OTOGL: variants seen among roughly 807,000 people sequenced by gnomAD.
OTOGL encodes the protein otogelin like.
In OTOGL, 285 loss-of-function variants were observed where a neutral mutation model predicts 318.5. The ratio of observed to expected loss-of-function variants is 0.89; its 90% CI spans 0.81 to 0.99. The LOEUF (loss-of-function observed/expected upper bound fraction) is 0.99, where lower values mean the gene tolerates loss of function less well. Ranked by LOEUF, OTOGL falls within the 50% of genes least tolerant of loss-of-function variation. The pLI is 0.00. For missense variants in OTOGL, 2,899 were observed against 2,845.6 expected, an observed-to-expected ratio of 1.02 and a Z score of -0.43; for synonymous variants, 987 against 936.5, an observed-to-expected ratio of 1.05 and a Z score of -0.99.
chr12:80,370,278 T>G (rs1162089760), intron 55 of OTOGL, among the ~76,000 whole-genome samples: 1 of 152,042 alleles, frequency 6.6e-6, no homozygotes, highest in Non-Finnish European at 1.5e-5. Flanking sequence ...GCTTCTTCAC[T>G]CTCTATTGTT....
chr12:80,244,705 T>C (rs988966930), intron 11 of OTOGL, among the ~76,000 whole-genome samples: 3 of 148,728 alleles, frequency 2.0e-5, no homozygotes, highest in African/African-American at 7.8e-5. Flanking sequence ...CTGGGTCCAA[T>C]GGTATTTCTA....
At chr12:80,112,544 G>A (rs1248348295) in intron 1 of OTOGL, among the ~76,000 whole-genome samples, 6 of 152,090 alleles carry the variant, frequency 3.9e-5, no homozygotes, top group East Asian at 1.9e-4. Context: ...GATGGATTAC[G>A]TTTATTGATT....
At chr12:80,231,133 T>C (rs971200181) in intron 8 of OTOGL, among the ~76,000 whole-genome samples, 2 of 152,198 alleles carry the variant, frequency 1.3e-5, no homozygotes, top group African/African-American at 4.8e-5. Context: ...TAAGATTAGC[T>C]TTCCATTACT....
At chr12:80,240,445 T>C (rs567227241) in intron 11 of OTOGL, among the ~76,000 whole-genome samples, 101 of 152,226 alleles carry the variant, frequency 6.6e-4, no homozygotes, top group African/African-American at 2.3e-3. Flanking sequence ...CTAATTCTAA[T>C]AAAGTAGTTA....
intron 43 of OTOGL, among the ~76,000 whole-genome samples, chr12:80,340,139 TATTA>T (rs950431894): frequency 7.9e-5 from 12 of 152,316 alleles, no homozygotes; most frequent in African/African-American, 2.6e-4. Context: ...TCTCAGTAAA[TATTA>T]ATTAAATAAA....
chr12:80,161,712 G>T (rs1486154890), intron 1 of OTOGL, among the ~76,000 whole-genome samples: 2 of 152,082 alleles, frequency 1.3e-5, no homozygotes, highest in Non-Finnish European at 2.9e-5. Context: ...GAGGAGCAAG[G>T]TTTGGGATAA....
chr12:80,149,105 G>A (rs201498329), intron 1 of OTOGL, among the ~76,000 whole-genome samples: 31,464 of 152,152 alleles, frequency 0.21, 3,413 homozygotes, highest in Non-Finnish European at 0.24. Context: ...GAGGAACTGC[G>A]TTCCTTTGGA....
chr12:80,103,212 T>C (rs919201753), intron 1 of OTOGL: 16 of 1,434,518 alleles, frequency 1.1e-5, no homozygotes, highest in Non-Finnish European at 1.6e-5. Context: ...CTCGTTGTAC[T>C]TCTGTCTCAG....
chr12:80,155,817 T>C (rs1873078211), intron 1 of OTOGL, among the ~76,000 whole-genome samples: 2 of 152,176 alleles, frequency 1.3e-5, no homozygotes, highest in African/African-American at 2.4e-5. Flanking sequence ...TCTATCTCCA[T>C]GAGTTCAATT....
chr12:80,367,778 G>A (rs2138079747), intron 54 of OTOGL, 39 bp downstream of exon 54: 1 of 1,279,158 alleles, frequency 7.8e-7, no homozygotes, highest in South Asian at 2.1e-5. Context: ...GAGAGTTAAT[G>A]CATTCAAAAA....
At chr12:80,129,049 G>A (rs1241127825) in intron 1 of OTOGL, among the ~76,000 whole-genome samples, 1 of 152,128 alleles carries the variant, frequency 6.6e-6, no homozygotes, top group Non-Finnish European at 1.5e-5. Flanking sequence ...CCACTGTCCT[G>A]CACCCACTGT....
At chr12:80,323,954 T>C in intron 35 of OTOGL, 114 bp downstream of exon 35, 2 of 739,366 alleles carry the variant, frequency 2.7e-6, no homozygotes, top group East Asian at 2.7e-5. Flanking sequence ...ATGCTATATA[T>C]TCTTTCATGA....
In OTOGL at chr12:80,232,955, G is replaced by A; in HGVS notation, c.675G>A (p.Val225=). The change falls in exon 9 of 59, where the codon GTG becomes GTA. Residue 225 remains valine, a synonymous_variant. Transcript: ENST00000547103. ...FIEKLADYIL[V]KTTFGFSLAW... Reference sequence around the variant, plus strand: ...AGAAACTAGCTGACTACATTCTTGTGAAAACAACCTTTGGCTTTTCATTGG... The same window carrying A: ...AGAAACTAGCTGACTACATTCTTGTAAAAACAACCTTTGGCTTTTCATTGG... The A allele has an allele frequency of 6.3e-7, 1 of 1,599,262 alleles. No individual in the cohort carries two copies. Among genetic ancestry groups the A allele is most frequent in the Non-Finnish European group, 8.5e-7 (1 of 1,179,606 alleles).
At chr12:80,321,051 A>G (rs770193806) in intron 34 of OTOGL, among the ~76,000 whole-genome samples, 5 of 152,118 alleles carry the variant, frequency 3.3e-5, no homozygotes, top group Non-Finnish European at 5.9e-5. Flanking sequence ...TCTAATGTTT[A>G]TATCTCCTTT....
At chr12:80,327,392 A>G (rs1030346617) in intron 35 of OTOGL, among the ~76,000 whole-genome samples, 4 of 152,038 alleles carry the variant, frequency 2.6e-5, no homozygotes, top group Non-Finnish European at 5.9e-5. Flanking sequence ...CTGTCATACA[A>G]CCATGTCCTT....
chr12:80,290,235 G>A (rs1884949301), intron 26 of OTOGL, among the ~76,000 whole-genome samples: 1 of 151,752 alleles, frequency 6.6e-6, no homozygotes, highest in Admixed American at 6.6e-5. Context: ...TCTCTAACCA[G>A]TCCTAGAGAG....
intron 1 of OTOGL, among the ~76,000 whole-genome samples, chr12:80,205,832 C>T (rs1276167926): frequency 6.6e-6 from 1 of 152,142 alleles, no homozygotes; most frequent in Admixed American, 6.5e-5. Context: ...AAGAAATTAA[C>T]TTTCCTCAAA....
chr12:80,243,652 A>G (rs1184516423), intron 11 of OTOGL, among the ~76,000 whole-genome samples: 1 of 151,640 alleles, frequency 6.6e-6, no homozygotes, highest in Non-Finnish European at 1.5e-5. Flanking sequence ...TGAGAAAATA[A>G]TTGATATAAT....
chr12:80,129,026 C>T lies in OTOGL; in HGVS notation c.-20+29421C>T, dbSNP rs544223372. Among the ~76,000 whole-genome samples the T allele has an allele frequency of 9.3e-4, 141 of 152,258 alleles. 1 individual carries two copies. In the South Asian group the frequency reaches 0.024, roughly 26 times the overall value. On this transcript the variant is annotated intron_variant, in intron 1 of 58. Coordinates refer to ENST00000547103, the MANE Select transcript of OTOGL (RefSeq NM_001378609.3). The stretch of plus-strand genomic sequence containing the variant: ...GCCTCGCCCTGCTTTGGCTCACGCT[C>T]GGTGCACTGCACCCACTGTCCTGCA...
Sources: gnomAD v4.1 joint callset for allele counts (sites outside exome capture counted in the v4.1 genomes callset) on GRCh38, gnomAD v4.1.1 for gene constraint, MANE v1.5 for transcripts, NCBI Gene and HGNC (gene_info 2026-07-23, HGNC 2026-07-21) for gene names.